The following ADRA1B variants were observed in gnomAD, a reference collection of about 807,000 sequenced individuals.
ADRA1B encodes the protein alpha-1B adrenergic receptor.
In ADRA1B, 17 loss-of-function variants were observed where a neutral mutation model predicts 17.9. The observed-to-expected ratio is 0.95, with a 90% CI of 0.65 to 1.42. The LOEUF (loss-of-function observed/expected upper bound fraction) is 1.42, where lower values mean the gene tolerates loss of function less well. ADRA1B is among the 40% of genes most tolerant of loss of function. The pLI is 0.00. For synonymous variants in ADRA1B, 366 were observed against 327.6 expected, an observed-to-expected ratio of 1.12 and a Z score of -1.27; for missense variants, 681 against 722.1, an observed-to-expected ratio of 0.94 and a Z score of 0.65.
In ADRA1B at chr5:159,972,244, G is replaced by T. The variant is rs957724800; in HGVS notation, c.1315G>T (p.Val439Phe). Reference sequence around the variant, plus strand: ...CCTGGGCCGCGGCGCGCCACCGCCAGTCGAGCTGTGCGCCTTCCCCGAGTG... The same window carrying T: ...CCTGGGCCGCGGCGCGCCACCGCCATTCGAGCTGTGCGCCTTCCCCGAGTG... ...GYLGRGAPPP[V>F]ELCAFPEWKA... The change falls in exon 2 of 2, where the codon GTC becomes TTC. Residue 439 changes from valine (V) to phenylalanine (F), a missense_variant. Physicochemically the swap from Val to Phe is conservative, Grantham distance 50. Around this residue, in one of 3 missense-constraint regions of ADRA1B, gnomAD observed 251 missense variants for 224.9 expected, o/e 1.12. Transcript: ENST00000306675. 21 of 1,354,476 alleles carry T rather than the reference G, an allele frequency of 1.6e-5. No homozygotes were observed. In the African/African-American group the frequency reaches 2.9e-4, roughly 19 times the overall value. 83.9% of individuals were successfully genotyped at this position (1,354,476 alleles called of 1,614,324 possible).
intron 1 of ADRA1B, among the ~76,000 whole-genome samples, chr5:159,969,423 G>T (rs1163416736): frequency 6.6e-6 from 1 of 152,208 alleles, no homozygotes; most frequent in Non-Finnish European, 1.5e-5. Flanking sequence ...AATCAAGAAA[G>T]TGAAATGCTA....
chr5:159,953,150 C>T (rs772230393), intron 1 of ADRA1B, among the ~76,000 whole-genome samples: 9 of 152,080 alleles, frequency 5.9e-5, no homozygotes, highest in Non-Finnish European at 1.5e-5. Flanking sequence ...CACCTGAGGT[C>T]GGAAATTCGA....
intron 1 of ADRA1B, among the ~76,000 whole-genome samples, chr5:159,903,022 T>C (rs1396720598): frequency 6.6e-6 from 1 of 152,036 alleles, no homozygotes. Context: ...TCCCCCGCGG[T>C]TACCTAGGGA....
At chr5:159,903,075 A>G (rs891900) in intron 1 of ADRA1B, among the ~76,000 whole-genome samples, 33,844 of 152,146 alleles carry the variant, frequency 0.22, 3,872 homozygotes, top group African/African-American at 0.24. Context: ...CAGACAGAGA[A>G]GGCTCTGGCC....
At chr5:159,924,334 T>C (rs1262406496) in intron 1 of ADRA1B, among the ~76,000 whole-genome samples, 2 of 152,176 alleles carry the variant, frequency 1.3e-5, no homozygotes, top group Non-Finnish European at 1.5e-5. Context: ...AAATTAAAAG[T>C]TAGTACCCTA....
intron 1 of ADRA1B, among the ~76,000 whole-genome samples, chr5:159,959,021 T>G (rs1755617483): frequency 6.6e-6 from 1 of 152,206 alleles, no homozygotes; most frequent in Non-Finnish European, 1.5e-5. Flanking sequence ...GGTCAATCAG[T>G]TAATCAGTGG....
intron 1 of ADRA1B, among the ~76,000 whole-genome samples, chr5:159,924,627 G>T (rs780899395): frequency 6.6e-6 from 1 of 152,190 alleles, no homozygotes; most frequent in Non-Finnish European, 1.5e-5. Context: ...GGGGCCAGTC[G>T]TGGTGGCACC....
At chr5:159,981,578 C>G in the ADRA1B span, among the ~76,000 whole-genome samples, 4,650 of 152,250 alleles carry the variant, frequency 0.031, 90 homozygotes, top group Middle Eastern at 0.085. Flanking sequence ...TCACTGCAGG[C>G]TCCGCCTTCC....
chr5:159,893,711 T>C (rs1754010822), intron 1 of ADRA1B, among the ~76,000 whole-genome samples: 1 of 152,172 alleles, frequency 6.6e-6, no homozygotes, highest in Non-Finnish European at 1.5e-5. Context: ...GAGAACTGGG[T>C]GCTGTCTGTG....
At chr5:159,948,575 C>T (rs1336777985) in intron 1 of ADRA1B, 2 of 594,922 alleles carry the variant, frequency 3.4e-6, no homozygotes, top group African/African-American at 2.0e-5. Flanking sequence ...AAAAGCCACC[C>T]CTTAAACATA....
chr5:159,985,879 C>G, the ADRA1B span, among the ~76,000 whole-genome samples: 1 of 152,182 alleles, frequency 6.6e-6, no homozygotes, highest in Non-Finnish European at 1.5e-5. Flanking sequence ...TTCCGTCTAG[C>G]CCTTGAGGCT....
rs1437448944 is a variant in ADRA1B at position 159,964,744 on chromosome 5, G to T, written c.950-7135G>T. On this transcript the variant is annotated intron_variant, in intron 1 of 1. Coordinates refer to ENST00000306675, the MANE Select transcript of ADRA1B (RefSeq NM_000679.4). ...AATTCAGCTGGTATTGGAAAGAGCA[G>T]TAGGGTAAGTCTCAATGCCCACACA... Among the ~76,000 whole-genome samples the T allele has an allele frequency of 4.6e-5, 7 of 152,344 alleles. No individual in the cohort carries two copies. In the East Asian group the frequency reaches 1.2e-3, roughly 25 times the overall value.
At chr5:159,963,288 G>GTATATATATATATATATA (rs10522262) in intron 1 of ADRA1B, among the ~76,000 whole-genome samples, 2,985 of 132,324 alleles carry the variant, frequency 0.023, 72 homozygotes, top group Middle Eastern at 0.04. Flanking sequence ...AACAAAAAAA[G>GTATATATATATATATATA]TATATATATA....
intron 1 of ADRA1B, among the ~76,000 whole-genome samples, chr5:159,883,606 C>G (rs552345688): frequency 7.0e-4 from 106 of 152,290 alleles, no homozygotes; most frequent in African/African-American, 2.5e-3. Flanking sequence ...GTGTCAGAGT[C>G]CCTGCAGCAG....
chr5:159,920,856 C>A (rs1344097140), intron 1 of ADRA1B, among the ~76,000 whole-genome samples: 1 of 152,116 alleles, frequency 6.6e-6, no homozygotes, highest in South Asian at 2.1e-4. Flanking sequence ...CTAAATTTTC[C>A]GTGAAAACTT....
intron 1 of ADRA1B, among the ~76,000 whole-genome samples, chr5:159,918,988 C>A (rs756067678): frequency 3.9e-5 from 6 of 152,168 alleles, no homozygotes; most frequent in Admixed American, 6.5e-5. Flanking sequence ...ACACCGGAGT[C>A]TCAGGTCAGA....
At chr5:159,919,429 C>T (rs929454296) in intron 1 of ADRA1B, among the ~76,000 whole-genome samples, 1 of 152,194 alleles carries the variant, frequency 6.6e-6, no homozygotes. Context: ...AGCCATATGA[C>T]CTTGGCCAAA....
At chr5:159,877,126 A>T (rs1458079500) in intron 1 of ADRA1B, among the ~76,000 whole-genome samples, 1 of 152,170 alleles carries the variant, frequency 6.6e-6, no homozygotes, top group Admixed American at 6.5e-5. Flanking sequence ...TGGGAGCCTC[A>T]GTTCATAAAT....
chr5:159,946,770 A>T (rs1755284736), intron 1 of ADRA1B, among the ~76,000 whole-genome samples: 1 of 152,246 alleles, frequency 6.6e-6, no homozygotes, highest in South Asian at 2.1e-4. Flanking sequence ...CTCATACATA[A>T]ACATGGCATA....
Sources: allele counts gnomAD v4.1 joint callset (sites outside exome capture counted in the v4.1 genomes callset), GRCh38; gene constraint gnomAD v4.1.1; regional missense constraint gnomAD v4.1.1; transcripts MANE v1.5; gene names NCBI Gene and HGNC (gene_info 2026-07-23, HGNC 2026-07-21).